EPHA10: variants seen among roughly 807,000 people sequenced by gnomAD.
The protein encoded by EPHA10 is EPH receptor A10.
A neutral mutation model predicts 109.7 loss-of-function variants in EPHA10; 120 were observed. The ratio of observed to expected loss-of-function variants is 1.09; its 90% confidence interval spans 0.94 to 1.27. EPHA10 has a LOEUF of 1.27. Ranked by LOEUF, EPHA10 falls within the 50% of genes most tolerant of loss-of-function variation. The pLI is 0.00. For missense variants in EPHA10, 1,396 were observed against 1,411.1 expected (o/e 0.99, Z 0.17); for synonymous variants, 640 against 618.9 (o/e 1.03, Z -0.51).
Position 37,735,291 on chromosome 1 carries a change from T to C in EPHA10, c.1457A>G (p.Asn486Ser), listed in dbSNP as rs771133694. 1.0e-5 allele frequency: 16 copies of C among 1,563,022 alleles called. No homozygotes were observed. Among genetic ancestry groups the C allele is most frequent in the Admixed American group, 1.9e-5 (1 of 52,084 alleles). The change falls in exon 6 of 17, where the codon AAT becomes AGT. Residue 486 changes from asparagine (N) to serine (S), a missense_variant. Asn to Ser is a conservative substitution (Grantham distance 46). Transcript: ENST00000373048. ...EPIPAGAPGA[N>S]DTEYEIRYYE... is the part of the protein sequence containing the mutation. ...GTATCGGATCTCGTACTCCGTGTCA[T>C]TGGCCCCAGGGGCTCCGGCAGGGAT...
At chr1:37,747,572 T>G (rs1295277632) in intron 5 of EPHA10, among the ~76,000 whole-genome samples, 1 of 123,194 alleles carries the variant, frequency 8.1e-6, no homozygotes, top group Non-Finnish European at 1.7e-5. Flanking sequence ...AAAAAAAAAC[T>G]TCAGGAAAGC....
At chr1:37,744,988 G>A (rs913954614) in intron 5 of EPHA10, among the ~76,000 whole-genome samples, 2 of 152,192 alleles carry the variant, frequency 1.3e-5, no homozygotes, top group African/African-American at 4.8e-5. Context: ...AAGACACAGG[G>A]AGAAGACAGC....
chr1:37,731,099 T>C (rs946874691), intron 7 of EPHA10, among the ~76,000 whole-genome samples: 1 of 152,176 alleles, frequency 6.6e-6, no homozygotes. Context: ...AGGGACAGTG[T>C]CCCATGTTTG....
chr1:37,720,654 C>A lies in EPHA10; in HGVS notation c.2209-100G>T. 2.0e-6 allele frequency: 3 copies of A among 1,535,388 alleles called. No individual in the cohort carries two copies. The Admixed American group carries it at 5.5e-5, about 28-fold the overall frequency. On this transcript the variant is annotated intron_variant, in intron 12 of 16. Coordinates refer to ENST00000373048, the MANE Select transcript of EPHA10 (RefSeq NM_001099439.2). ...CTAGCTCTCGCCAGGCTTTAGTTCA[C>A]CCTGTGACCACAGGTCAGCCCGGCC...
In EPHA10 at chr1:37,720,397, A is replaced by C. The variant is rs1329482824; in HGVS notation, c.2366T>G (p.Phe789Cys). The change falls in exon 13 of 17, where the codon TTC (phenylalanine) becomes TGC (cysteine). Residue 789 changes from phenylalanine to cysteine, a missense_variant. Transcript: ENST00000373048. Reference protein sequence around the residue: ...SSDLVCKISGFGRGPRDRSEA... With the variant: ...SSDLVCKISGCGRGPRDRSEA... ...TGATCGGTCCCGGGGGCCCCGCCCG[A>C]AGCCAGAGATCTTGCAGACAAGGTC... The C allele has an allele frequency of 6.2e-7, 1 of 1,613,076 alleles. No individual in the cohort carries two copies. Among genetic ancestry groups the C allele is most frequent in the Non-Finnish European group, 8.5e-7 (1 of 1,179,976 alleles).
chr1:37,751,630 T>C (rs1646328750), intron 5 of EPHA10, among the ~76,000 whole-genome samples: 1 of 151,352 alleles, frequency 6.6e-6, no homozygotes, highest in Admixed American at 6.6e-5. Flanking sequence ...TCCCAGCACT[T>C]TGGAAGCCTG....
Position 37,731,434 on chromosome 1 carries a change from A to G in EPHA10, c.1640T>C (p.Ile547Thr). ...ACCCTCCCCCAGGGTCTGTACTTCA[A>G]TGCTGGGGTTAAAACTCTGGGCCTC... ...SWEAQSFNPS[I>T]EVQTLGEAAS... The change falls in exon 7 of 17, where the codon ATT becomes ACT. Residue 547 changes from isoleucine to threonine, a missense_variant. Ile to Thr is a moderately conservative substitution (Grantham distance 89). Transcript: ENST00000373048. 1 of 1,612,080 alleles carries G rather than the reference A, an allele frequency of 6.2e-7. No individual in the cohort carries two copies. The highest frequency in any genetic ancestry group is 8.5e-7 in the Non-Finnish European group (1 of 1,178,918).
At chr1:37,746,045 G>A (rs945826928) in intron 5 of EPHA10, among the ~76,000 whole-genome samples, 3 of 151,056 alleles carry the variant, frequency 2.0e-5, no homozygotes, top group East Asian at 3.9e-4. Context: ...TTTCCTCTGT[G>A]CACATATGGA....
rs1199858859 is a variant in EPHA10, at chr1:37,761,713, C to A, written c.542G>T (p.Gly181Val). Residue 181 changes from glycine (G) to valine (V), a missense_variant, in exon 3 of 17, where the codon GGA (glycine) becomes GTA (valine). Physicochemically the swap from Gly to Val is moderately radical, Grantham distance 109. Transcript: ENST00000373048. ...MKLNTEVREIGPLSRRGFHLA... is the reference protein window; with the variant it reads ...MKLNTEVREIVPLSRRGFHLA... The stretch of plus-strand genomic sequence containing the variant: ...GTGGAAACCCCGCCGGCTGAGCGGT[C>A]CGATCTCGCGCACCTCTGTGTTCAG... 8 of 1,613,534 alleles carry A rather than the reference C, an allele frequency of 5.0e-6. No individual in the cohort carries two copies. In the Middle Eastern group the frequency reaches 4.9e-4, roughly 100 times the overall value.
chr1:37,727,260 G>A, intron 7 of EPHA10, 50 bp from the exon 8 acceptor site: 1 of 1,483,906 alleles, frequency 6.7e-7, no homozygotes, highest in Non-Finnish European at 9.1e-7. Context: ...AGGCTCCTAG[G>A]CAAGCCCCAG....
At chr1:37,750,041 A>G (rs1237925654) in intron 5 of EPHA10, among the ~76,000 whole-genome samples, 2 of 152,368 alleles carry the variant, frequency 1.3e-5, no homozygotes, top group Admixed American at 6.5e-5. Flanking sequence ...TTAAAACAAA[A>G]GGGATTTTAT....
In EPHA10 at chr1:37,764,388, C is replaced by G. The variant is rs1251695230; in HGVS notation, c.106+573G>C. Among the ~76,000 whole-genome samples, 1 of 152,222 alleles carries G rather than the reference C, an allele frequency of 6.6e-6. No individual in the cohort carries two copies. The highest frequency in any genetic ancestry group is 1.5e-5 in the Non-Finnish European group (1 of 68,038). ...TAAATGCACAATCAGAGGCAAGACGCGGGCTCCAGTATCGCCGACAGCCTC... is the reference window on the plus strand; with the variant it reads ...TAAATGCACAATCAGAGGCAAGACGGGGGCTCCAGTATCGCCGACAGCCTC... On this transcript the variant is annotated intron_variant, in intron 1 of 16. Coordinates refer to ENST00000373048, the MANE Select transcript of EPHA10 (RefSeq NM_001099439.2). The surrounding 1 kb of genome is among the most constrained non-coding windows in gnomAD (Gnocchi z 5.8).
chr1:37,760,085 A>G (rs1402591729), intron 3 of EPHA10, among the ~76,000 whole-genome samples: 1 of 152,338 alleles, frequency 6.6e-6, no homozygotes, highest in East Asian at 1.9e-4. Flanking sequence ...GAACAAAGGA[A>G]TGAGAGCAAA....
At chr1:37,735,500 C>T in intron 5 of EPHA10, 110 bp from the exon 6 acceptor site, 11 of 1,346,002 alleles carry the variant, frequency 8.2e-6, no homozygotes, top group Non-Finnish European at 1.1e-5. Flanking sequence ...CTAGAGAGGC[C>T]TGGGGCGTGG....
intron 2 of EPHA10, among the ~76,000 whole-genome samples, 200 bp downstream of exon 2, chr1:37,762,585 C>CTTTTTTTTTTTTTTTT (rs34513765): frequency 7.1e-6 from 1 of 141,598 alleles, no homozygotes. Flanking sequence ...CACTTATTCA[C>CTTTTTTTTTTTTTTTT]TTTTTTTTTT....
At position 37,764,064 on chromosome 1, in the gene EPHA10, G is replaced by C. The variant is rs1435231133; in HGVS notation, c.106+897C>G. Among the ~76,000 whole-genome samples, 1 of 152,190 alleles carries C rather than the reference G, an allele frequency of 6.6e-6. No individual in the cohort carries two copies. Among genetic ancestry groups the C allele is most frequent in the Non-Finnish European group, 1.5e-5 (1 of 68,032 alleles). On this transcript the variant is annotated intron_variant, in intron 1 of 16. Transcript: ENST00000373048. This position sits in a 1 kb window ranked among gnomAD's most constrained non-coding sequence, Gnocchi z 5.8. ...GAAAATGGTTTGGACAGCAGAGTCC[G>C]CAGACCAGAGACAGGAGGTCAGGAC... is the stretch of plus-strand genomic sequence containing the variant.
chr1:37,765,035 C>T lies in EPHA10; in HGVS notation c.32G>A (p.Arg11His), dbSNP rs749996640. The T allele has an allele frequency of 1.2e-6, 2 of 1,608,848 alleles. No individual in the cohort carries two copies. The highest frequency in any genetic ancestry group is 1.3e-5 in the African/African-American group (1 of 75,018). The change falls in exon 1 of 17, where the codon CGC (arginine) becomes CAC (histidine). Residue 11 changes from arginine (R) to histidine (H), a missense_variant. Physicochemically the swap from Arg to His is conservative, Grantham distance 29. Coordinates refer to ENST00000373048, the MANE Select transcript of EPHA10 (RefSeq NM_001099439.2). ...GAGCTGCATCCGGCAGAGGAAGAGG[C>T]GCAGCGGGTGTGGACCGGCGCAGGT... METCAGPHPLRLFLCRMQLCL... is the reference protein window; with the variant it reads METCAGPHPLHLFLCRMQLCL...
Position 37,753,100 on chromosome 1 carries a change from A to C in EPHA10, c.1133T>G (p.Leu378Arg). Residue 378 changes from leucine to arginine, a missense_variant, in exon 5 of 17, where the codon CTG (leucine) becomes CGG (arginine). By Grantham distance (102) the Leu-to-Arg change is moderately radical. Transcript: ENST00000373048. ...RSDVTYSLLC[L>R]RCGREGPAGA... ...CGCCGGGCCCTCGCGGCCGCAGCGCAGGCACAGCAGCGAGTAGGTGACGTC... is the reference window on the plus strand; with the variant it reads ...CGCCGGGCCCTCGCGGCCGCAGCGCCGGCACAGCAGCGAGTAGGTGACGTC... 7.3e-7 allele frequency: 1 copy of C among 1,363,170 alleles called. No homozygotes were observed. Among genetic ancestry groups the C allele is most frequent in the East Asian group, 3.3e-5 (1 of 30,636 alleles). The allele number at this position is 1,363,170 out of a possible 1,614,324, so 84.4% of individuals were successfully genotyped here.
intron 7 of EPHA10, among the ~76,000 whole-genome samples, chr1:37,729,578 G>C (rs1437688202): frequency 6.6e-6 from 1 of 151,786 alleles, no homozygotes; most frequent in Non-Finnish European, 1.5e-5. Context: ...AAAGAAAAAA[G>C]AAAAAGATCC....
Sources: gnomAD v4.1 joint callset for allele counts (sites outside exome capture counted in the v4.1 genomes callset) on GRCh38, gnomAD v4.1.1 for gene constraint, Gnocchi (gnomAD v3.1) non-coding constraint, MANE v1.5 for transcripts, NCBI Gene and HGNC (gene_info 2026-07-23, HGNC 2026-07-21) for gene names.